Variants in ENC1 observed in about 807,000 individuals in gnomAD.
ENC1 encodes the protein ectodermal-neural cortex 1, also known as ectoderm-neural cortex protein 1.
Under a neutral mutation model 40.9 loss-of-function variants are expected in ENC1, and 19 were observed. The ratio of observed to expected loss-of-function variants is 0.46; its 90% CI spans 0.32 to 0.68. The LOEUF is 0.68. Ranked by LOEUF, ENC1 falls within the 30% of genes least tolerant of loss-of-function variation. The probability of loss-of-function intolerance (pLI) is 0.03; values close to 1 mark genes in which losing one functional copy is unlikely to be tolerated. For missense variants in ENC1, 479 were observed against 737.5 expected (o/e 0.65, Z 4.06); for synonymous variants, 285 against 291.1 (o/e 0.98, Z 0.21).
intron 2 of ENC1, chr5:74,632,246 C>A (rs1332366984): frequency 6.6e-6 from 1 of 152,222 alleles, no homozygotes; most frequent in Non-Finnish European, 1.5e-5. Flanking sequence ...GACTAACACC[C>A]AACTAAGTGT....
intron 1 of ENC1, among the ~76,000 whole-genome samples, chr5:74,638,679 C>A (rs572976706): frequency 2.3e-4 from 35 of 152,344 alleles, no homozygotes; most frequent in Admixed American, 1.7e-3. Context: ...ATTCTCAATG[C>A]TCCACCACTG....
At chr5:74,634,339 G>C (rs1747496263) in intron 2 of ENC1, among the ~76,000 whole-genome samples, 1 of 152,170 alleles carries the variant, frequency 6.6e-6, no homozygotes, top group Non-Finnish European at 1.5e-5. Flanking sequence ...GTGAACCCAG[G>C]AGGCGGAGCT....
In ENC1 at chr5:74,635,988, T is replaced by G. The variant is rs1475971639; in HGVS notation, c.498A>C (p.Glu166Asp). 6.8e-6 allele frequency: 11 copies of G among 1,614,032 alleles called. No individual in the cohort carries two copies. The highest frequency in any genetic ancestry group is 9.3e-6 in the Non-Finnish European group (11 of 1,180,014). ...TGCTGAGACACATTCTCCAAGATAGTTCGTACAGCTTGGTGCACTGGTGTG... is the reference window on the plus strand; with the variant it reads ...TGCTGAGACACATTCTCCAAGATAGGTCGTACAGCTTGGTGCACTGGTGTG... Reference protein sequence around the residue: ...SDAHQCTKLYELSWRMCLSNF... With the variant: ...SDAHQCTKLYDLSWRMCLSNF... Residue 166 changes from glutamate (E) to aspartate (D), a missense_variant, in exon 2 of 3, where the codon GAA (glutamate) becomes GAC (aspartate). Transcript: ENST00000302351. The surrounding 1 kb of genome is among the most constrained non-coding windows in gnomAD (Gnocchi z 5.5).
chr5:74,628,188 C>A lies in ENC1; in HGVS notation c.*1837G>T, dbSNP rs1280347124. ...TACTGTGATTCTTTTCTTCCAACAG[C>A]TCATTTATTTAGGCCCAACTACAGC... On this transcript the variant is annotated 3_prime_UTR_variant, in exon 3 of 3. Transcript: ENST00000302351. 6.6e-6 allele frequency: 1 copy of A among 152,646 alleles called. No homozygotes were observed. Among genetic ancestry groups the A allele is most frequent in the Admixed American group, 6.5e-5 (1 of 15,274 alleles). 9.5% of individuals were successfully genotyped at this position (152,646 alleles called of 1,614,324 possible). A position where few individuals can be genotyped will look rare whatever the true frequency, so the allele number is the denominator to read the frequency against.
intron 2 of ENC1, among the ~76,000 whole-genome samples, chr5:74,631,504 C>T (rs1455358166): frequency 6.6e-6 from 1 of 152,214 alleles, no homozygotes; most frequent in Non-Finnish European, 1.5e-5. Context: ...AATGTTTTAG[C>T]ACTATCTTGT....
At position 74,636,027 on chromosome 5, in the gene ENC1, C is replaced by T; in HGVS notation, c.459G>A (p.Leu153=). ...TGCACTGGTGTGCATCAGACAGCAG[C>T]AGCATGCCCAGGCAGTTGGTGGGAT... ...NLHPTNCLGM[L]LLSDAHQCTK... is the part of the protein sequence containing the mutation. The change falls in exon 2 of 3, where the codon CTG becomes CTA. Residue 153 remains leucine (L), a synonymous_variant. Coordinates refer to ENST00000302351, the MANE Select transcript of ENC1 (RefSeq NM_003633.4). This position sits in a 1 kb window ranked among gnomAD's most constrained non-coding sequence, Gnocchi z 4.8. 1.2e-6 allele frequency: 2 copies of T among 1,614,188 alleles called. No individual in the cohort carries two copies. The highest frequency in any genetic ancestry group is 1.7e-6 in the Non-Finnish European group (2 of 1,180,024).
Position 74,636,334 on chromosome 5 carries a change from T to A in ENC1, c.152A>T (p.His51Leu). ...QQRLFTDVLL[H>L]AGNRTFPCHR... ...GCAAGGGAAGGTCCTATTTCCGGCA[T>A]GGAGAAGGACGTCAGTGAAGAGACG... is the stretch of plus-strand genomic sequence containing the variant. The change falls in exon 2 of 3, where the codon CAT becomes CTT. Residue 51 changes from histidine (H) to leucine (L), a missense_variant. Transcript: ENST00000302351. This position sits in a 1 kb window ranked among gnomAD's most constrained non-coding sequence, Gnocchi z 4.8. The A allele has an allele frequency of 1.2e-6, 2 of 1,614,150 alleles. No individual in the cohort carries two copies. The highest frequency in any genetic ancestry group is 1.7e-6 in the Non-Finnish European group (2 of 1,180,026).
At chr5:74,633,848 A>G (rs981979411) in intron 2 of ENC1, among the ~76,000 whole-genome samples, 2 of 152,174 alleles carry the variant, frequency 1.3e-5, no homozygotes, top group African/African-American at 2.4e-5. Context: ...TCCGTAATGC[A>G]TGAAGGTTTT....
chr5:74,638,747 C>A (rs987728685), intron 1 of ENC1, among the ~76,000 whole-genome samples: 1 of 152,144 alleles, frequency 6.6e-6, no homozygotes, highest in Admixed American at 6.5e-5. Flanking sequence ...GACTTTAAAC[C>A]TAAACCTCAA....
chr5:74,638,120 A>G (rs1747673387), intron 1 of ENC1, among the ~76,000 whole-genome samples: 1 of 152,244 alleles, frequency 6.6e-6, no homozygotes, highest in Non-Finnish European at 1.5e-5. Context: ...GGCTGGTTGC[A>G]GTATCTGTTC....
At chr5:74,638,460 G>T (rs569254502) in intron 1 of ENC1, among the ~76,000 whole-genome samples, 1 of 152,168 alleles carries the variant, frequency 6.6e-6, no homozygotes, top group South Asian at 2.1e-4. Context: ...AAGTCCTAGA[G>T]CTCCAGTGTT....
rs750399028 is a variant in ENC1 at position 74,636,402 on chromosome 5, G to A, written c.84C>T (p.Tyr28=). 116 of 1,613,996 alleles carry A rather than the reference G, an allele frequency of 7.2e-5. No homozygotes were observed. Among genetic ancestry groups the A allele is most frequent in the African/African-American group, 1.5e-4 (11 of 74,900 alleles). The change falls in exon 2 of 3, where the codon TAC becomes TAT. Residue 28 remains tyrosine (Y), a synonymous_variant. Coordinates refer to ENST00000302351, the MANE Select transcript of ENC1 (RefSeq NM_003633.4). The surrounding 1 kb of genome is among the most constrained non-coding windows in gnomAD (Gnocchi z 4.8). ...INIYLFHKSS[Y]ADSVLTHLNL... The stretch of plus-strand genomic sequence containing the variant: ...TCAGGTGAGTGAGGACGCTGTCAGC[G>A]TAGGAGGACTTGTGAAACAGATAGA...
rs1196301821 is a variant in ENC1 at position 74,636,078 on chromosome 5, A to G, written c.408T>C (p.Cys136=). ...MLEFQDIRDA[C]AEFLEKNLHP... is the part of the protein sequence containing the mutation. ...GCAGGTTCTTTTCCAGGAACTCTGC[A>G]CATGCATCCCGGATGTCTTGAAACT... is the stretch of plus-strand genomic sequence containing the variant. The change falls in exon 2 of 3, where the codon TGT becomes TGC. Residue 136 remains cysteine (C), a synonymous_variant. Coordinates refer to ENST00000302351, the MANE Select transcript of ENC1 (RefSeq NM_003633.4). The surrounding 1 kb of genome is among the most constrained non-coding windows in gnomAD (Gnocchi z 4.8). The G allele has an allele frequency of 3.7e-6, 6 of 1,614,216 alleles. No individual in the cohort carries two copies. Among genetic ancestry groups the G allele is most frequent in the Non-Finnish European group, 5.1e-6 (6 of 1,180,040 alleles).
In ENC1 at chr5:74,635,895, C is replaced by A. The variant is rs778320066; in HGVS notation, c.591G>T (p.Leu197Phe). ...CCTCTGTCTCCAGCTCTTCACTGGA[C>A]AAGAGTTGCACTACCATGTCCTGGG... The part of the protein sequence containing the change: ...QLPQDMVVQL[L>F]SSEELETEDE... The change falls in exon 2 of 3, where the codon TTG becomes TTT. Residue 197 changes from leucine to phenylalanine, a missense_variant. By Grantham distance (22) the Leu-to-Phe change is conservative (BLOSUM62 0). Coordinates refer to ENST00000302351, the MANE Select transcript of ENC1 (RefSeq NM_003633.4). The surrounding 1 kb of genome is among the most constrained non-coding windows in gnomAD (Gnocchi z 5.5). 1 of 1,613,970 alleles carries A rather than the reference C, an allele frequency of 6.2e-7. No homozygotes were observed. Among genetic ancestry groups the A allele is most frequent in the Non-Finnish European group, 8.5e-7 (1 of 1,179,960 alleles).
In ENC1 at chr5:74,636,648, G is replaced by A. The variant is rs945476785; in HGVS notation, c.-13-150C>T. 3 of 582,758 alleles carry A rather than the reference G, an allele frequency of 5.1e-6. No homozygotes were observed. Among genetic ancestry groups the A allele is most frequent in the Non-Finnish European group, 9.0e-6 (3 of 331,550 alleles). The allele number at this position is 582,758 out of a possible 1,614,324, so 36.1% of individuals were successfully genotyped here. A position where few individuals can be genotyped will look rare whatever the true frequency, so the allele number is the denominator to read the frequency against. ...CTAGAATAGTGTATGGCCATTCCAG[G>A]ACAAAGCCAGAGACAACTACCCGGA... is the stretch of plus-strand genomic sequence containing the variant. On this transcript the variant is annotated intron_variant, in intron 1 of 2. Transcript: ENST00000302351. The surrounding 1 kb of genome is among the most constrained non-coding windows in gnomAD (Gnocchi z 4.8).
At chr5:74,630,749 T>G (rs77699378) in intron 2 of ENC1, among the ~76,000 whole-genome samples, 1,714 of 152,318 alleles carry the variant, frequency 0.011, 37 homozygotes, top group African/African-American at 0.038. Context: ...AGCTTGCATT[T>G]CCTCACACTG....
chr5:74,636,129 C>T lies in ENC1; in HGVS notation c.357G>A (p.Ser119=), dbSNP rs764284712. Residue 119 remains serine (S), a synonymous_variant, in exon 2 of 3, where the codon TCG becomes TCA. Transcript: ENST00000302351. The surrounding 1 kb of genome is among the most constrained non-coding windows in gnomAD (Gnocchi z 4.8). ...CCAGCATGTCACCAGCTTCCAGGAG[C>T]GATTCTGCATTTTCTTCATTGATGA... ...RVIINEENAE[S]LLEAGDMLEF... The T allele has an allele frequency of 9.3e-6, 15 of 1,614,126 alleles. No homozygotes were observed. Among genetic ancestry groups the T allele is most frequent in the Middle Eastern group, 1.6e-4 (1 of 6,062 alleles).
rs1373100600 is a variant in ENC1 at position 74,635,941 on chromosome 5, T to G, written c.545A>C (p.Asn182Thr). ...CLSNFQTIRK[N>T]EDFLQLPQDM... ...CTGGGGCAGCTGGAGGAAATCTTCATTCTTCCTGATGGTTTGGAAGTTGCT... is the reference window on the plus strand; with the variant it reads ...CTGGGGCAGCTGGAGGAAATCTTCAGTCTTCCTGATGGTTTGGAAGTTGCT... The change falls in exon 2 of 3, where the codon AAT becomes ACT. Residue 182 changes from asparagine (N) to threonine (T), a missense_variant. Physicochemically the swap from Asn to Thr is moderately conservative, Grantham distance 65 (BLOSUM62 0). Transcript: ENST00000302351. This position sits in a 1 kb window ranked among gnomAD's most constrained non-coding sequence, Gnocchi z 5.5. The G allele has an allele frequency of 6.2e-7, 1 of 1,614,142 alleles. No homozygotes were observed. The highest frequency in any genetic ancestry group is 8.5e-7 in the Non-Finnish European group (1 of 1,180,034).
At chr5:74,638,123 A>G (rs953839041) in intron 1 of ENC1, among the ~76,000 whole-genome samples, 1 of 152,226 alleles carries the variant, frequency 6.6e-6, no homozygotes, top group Non-Finnish European at 1.5e-5. Context: ...TGGTTGCAGT[A>G]TCTGTTCCAG....
Sources: allele counts gnomAD v4.1 joint callset (sites outside exome capture counted in the v4.1 genomes callset), GRCh38; gene constraint gnomAD v4.1.1; non-coding constraint Gnocchi (gnomAD v3.1); transcripts MANE v1.5; gene names NCBI Gene and HGNC (gene_info 2026-07-23, HGNC 2026-07-21).